TNFRSF19: variants seen among roughly 807,000 people sequenced by gnomAD.
TNFRSF19 encodes the protein tumor necrosis factor receptor superfamily member 19.
TNFRSF19 carries 27 observed loss-of-function variants against 46.4 expected under a neutral mutation model. The observed-to-expected ratio is 0.58, with a 90% CI of 0.43 to 0.80. TNFRSF19 has a LOEUF of 0.80. Among genes scored for constraint, TNFRSF19 ranks in the 30% least tolerant of loss-of-function variants. The pLI, the probability that TNFRSF19 is intolerant of heterozygous loss-of-function variation, is 0.00. For synonymous variants in TNFRSF19, 204 were observed against 205.0 expected (o/e 1.00, Z 0.04); for missense variants, 511 against 530.8 (o/e 0.96, Z 0.37).
At chr13:23,599,391 T>C (rs1879965713) in intron 3 of TNFRSF19, among the ~76,000 whole-genome samples, 2 of 152,184 alleles carry the variant, frequency 1.3e-5, no homozygotes. Flanking sequence ...CAGTGGCCCA[T>C]GACACAGCCC....
chr13:23,645,351 A>G (rs193220544), intron 5 of TNFRSF19, among the ~76,000 whole-genome samples: 154 of 152,018 alleles, frequency 1.0e-3, no homozygotes, highest in African/African-American at 3.6e-3. Context: ...ACAGGTGTGC[A>G]CCACCATGCC....
chr13:23,640,561 G>A (rs965981712), intron 5 of TNFRSF19, among the ~76,000 whole-genome samples: 4 of 152,164 alleles, frequency 2.6e-5, no homozygotes, highest in Admixed American at 6.5e-5. Context: ...GTGGCCTCCC[G>A]TCTTCTTTCT....
intron 5 of TNFRSF19, among the ~76,000 whole-genome samples, chr13:23,652,230 G>A (rs1345172048): frequency 1.3e-5 from 2 of 152,190 alleles, no homozygotes; most frequent in Non-Finnish European, 1.5e-5. Flanking sequence ...ACTGTTGGGA[G>A]TAAGTAAAAA....
At chr13:23,613,576 C>T (rs1055349300) in intron 3 of TNFRSF19, among the ~76,000 whole-genome samples, 1 of 152,284 alleles carries the variant, frequency 6.6e-6, no homozygotes, top group South Asian at 2.1e-4. Context: ...TGTTTTAACT[C>T]GTACATGAGA....
rs546139585 is a variant in TNFRSF19, at chr13:23,624,340, T to A, written c.360-2367T>A. On this transcript the variant is annotated intron_variant, in intron 4 of 9. Coordinates refer to ENST00000248484, the MANE Select transcript of TNFRSF19 (RefSeq NM_148957.4). ...AGTCCTCGAACTTTGTTTTTTTTTT[T>A]AATTTTTACTTCATAAATTCCAAAA... 2.1e-4 allele frequency among the ~76,000 whole-genome samples: 32 copies of A among 152,238 alleles called. 1 individual carries two copies. Among genetic ancestry groups the A allele is most frequent in the Middle Eastern group, 3.4e-3 (1 of 294 alleles).
chr13:23,597,327 A>G (rs1879803253), intron 3 of TNFRSF19, among the ~76,000 whole-genome samples: 3 of 152,162 alleles, frequency 2.0e-5, no homozygotes, highest in Admixed American at 2.0e-4. Flanking sequence ...TTAAAAGATT[A>G]ACAAAATAGA....
intron 3 of TNFRSF19, 98 bp from the exon 4 acceptor site, chr13:23,615,769 G>T: frequency 7.8e-7 from 1 of 1,283,648 alleles, no homozygotes; most frequent in Non-Finnish European, 1.0e-6. Context: ...GCCGACACTT[G>T]GTAATTATTA....
At chr13:23,643,069 C>A (rs1370501743) in intron 5 of TNFRSF19, among the ~76,000 whole-genome samples, 1 of 152,222 alleles carries the variant, frequency 6.6e-6, no homozygotes, top group Non-Finnish European at 1.5e-5. Flanking sequence ...TGCGTTCTTA[C>A]CTTTAACCCT....
intron 9 of TNFRSF19, among the ~76,000 whole-genome samples, chr13:23,670,044 T>A (rs1415973480): frequency 6.6e-6 from 1 of 152,176 alleles, no homozygotes; most frequent in East Asian, 1.9e-4. Context: ...CTGAGCCTGC[T>A]CCAGAGGGGC....
rs1884244945 is a variant in TNFRSF19, at chr13:23,659,909, A to T, written c.611-456A>T. ...GACAAAATAGATTTACTCTTCATTA[A>T]GTGGAAGCGGATCATTGTAAAGGCC... On this transcript the variant is annotated intron_variant, in intron 6 of 9. Transcript: ENST00000248484. The surrounding 1 kb of genome is among the most constrained non-coding windows in gnomAD (Gnocchi z 4.9). Among the ~76,000 whole-genome samples the T allele has an allele frequency of 1.3e-5, 2 of 152,184 alleles. No individual in the cohort carries two copies. The highest frequency in any genetic ancestry group is 4.8e-5 in the African/African-American group (2 of 41,442).
intron 1 of TNFRSF19, 101 bp from the exon 2 acceptor site, chr13:23,590,049 T>C (rs1012738012): frequency 4.3e-6 from 2 of 469,198 alleles, no homozygotes; most frequent in East Asian, 7.5e-5. Flanking sequence ...AAATAATATT[T>C]ATTACCTAGT....
At chr13:23,646,004 G>A (rs1242353196) in intron 5 of TNFRSF19, among the ~76,000 whole-genome samples, 1 of 152,052 alleles carries the variant, frequency 6.6e-6, no homozygotes, top group African/African-American at 2.4e-5. Context: ...GCCTTTCCTT[G>A]CACCTGACTC....
At position 23,615,935 on chromosome 13, in the gene TNFRSF19, C is replaced by G. The variant is rs1433331259; in HGVS notation, c.249C>G (p.Asp83Glu). The part of the protein sequence containing the change: ...VTCRLHRFKE[D>E]WGFQKCKPCL... ...GCCGGCTGCACAGGTTCAAGGAGGA[C>G]TGGGGCTTCCAGAAATGCAAGCCCT... Residue 83 changes from aspartate (D) to glutamate (E), a missense_variant, in exon 4 of 10, where the codon GAC (aspartate) becomes GAG (glutamate). Physicochemically the swap from Asp to Glu is conservative, Grantham distance 45 (BLOSUM62 2). Coordinates refer to ENST00000248484, the MANE Select transcript of TNFRSF19 (RefSeq NM_148957.4). 6.2e-7 allele frequency: 1 copy of G among 1,614,048 alleles called. No individual in the cohort carries two copies. The highest frequency in any genetic ancestry group is 1.1e-5 in the South Asian group (1 of 91,074).
chr13:23,609,515 G>C (rs1328913708), intron 3 of TNFRSF19, among the ~76,000 whole-genome samples: 1 of 152,162 alleles, frequency 6.6e-6, no homozygotes, highest in Non-Finnish European at 1.5e-5. Flanking sequence ...TGCCAACAGT[G>C]TGCTTGTAAC....
rs749417997 is a variant in TNFRSF19, at chr13:23,631,143, CAAAT to C, written c.445+4355_445+4358del. On this transcript the variant is annotated intron_variant, in intron 5 of 9. Transcript: ENST00000248484. ...GAAGTTTAAAATATATTTTAAATAA[CAAAT>C]AAAGGCAATTTCAAAATAAACTTTG... Among the ~76,000 whole-genome samples, 6 of 151,998 alleles carry C rather than the reference CAAAT, an allele frequency of 3.9e-5. No homozygotes were observed. The South Asian group carries it at 6.3e-4, about 16-fold the overall frequency.
intron 3 of TNFRSF19, among the ~76,000 whole-genome samples, chr13:23,601,888 A>G (rs1880187416): frequency 6.6e-6 from 1 of 152,196 alleles, no homozygotes; most frequent in Non-Finnish European, 1.5e-5. Flanking sequence ...ATATGCTAAG[A>G]AAGGAGATAA....
chr13:23,626,187 CTGTGTGTGTG>C (rs35509472), intron 4 of TNFRSF19, among the ~76,000 whole-genome samples: 6 of 145,464 alleles, frequency 4.1e-5, no homozygotes, highest in South Asian at 2.2e-4. Flanking sequence ...TCTTTAAAAT[CTGTGTGTGTG>C]TGTGTGTGTG....
Position 23,668,755 on chromosome 13 carries a change from T to A in TNFRSF19, c.903T>A (p.Cys301Ter), listed in dbSNP as rs1262776253. 1 of 1,614,134 alleles carries A rather than the reference T, an allele frequency of 6.2e-7. No homozygotes were observed. The highest frequency in any genetic ancestry group is 8.5e-7 in the Non-Finnish European group (1 of 1,180,052). The change falls in exon 9 of 10, where the codon TGT becomes TGA. Residue 301 changes from cysteine to a stop codon, truncating the protein, a stop_gained. Coordinates refer to ENST00000248484, the MANE Select transcript of TNFRSF19 (RefSeq NM_148957.4). LOFTEE classifies it high-confidence loss of function. ...TFFGSLTQSI[C>*]GEFSDAWPLM... ...TCGGATCCCTCACGCAGTCCATCTG[T>A]GGCGAGTTTTCAGATGCCTGGCCTC...
At chr13:23,639,606 G>T (rs1202117325) in intron 5 of TNFRSF19, among the ~76,000 whole-genome samples, 2 of 152,192 alleles carry the variant, frequency 1.3e-5, no homozygotes, top group Admixed American at 1.3e-4. Context: ...AGCTCTTGGA[G>T]TTCATGCTTG....
Sources: gnomAD v4.1 joint callset for allele counts (sites outside exome capture counted in the v4.1 genomes callset) on GRCh38, gnomAD v4.1.1 for gene constraint, Gnocchi (gnomAD v3.1) non-coding constraint, MANE v1.5 for transcripts, NCBI Gene and HGNC (gene_info 2026-07-23, HGNC 2026-07-21) for gene names.